Variants in PPP2R2B observed in about 807,000 individuals in gnomAD.
PPP2R2B encodes serine/threonine-protein phosphatase 2A 55 kDa regulatory subunit B beta isoform.
A neutral mutation model predicts 46.0 loss-of-function variants in PPP2R2B; 5 were observed. The ratio of observed to expected loss-of-function variants is 0.11; its 90% confidence interval spans 0.06 to 0.23. The LOEUF (loss-of-function observed/expected upper bound fraction) is 0.23. PPP2R2B is among the 10% of genes least tolerant of loss of function. PPP2R2B has a pLI of 1.00. For synonymous variants in PPP2R2B, 215 were observed against 206.7 expected (o/e 1.04, Z -0.34); for missense variants, 367 against 575.0 (o/e 0.64, Z 3.70).
chr5:146,878,272 T>C lies in PPP2R2B; in HGVS notation c.-124-77A>G. 7.5e-6 allele frequency: 11 copies of C among 1,470,076 alleles called. No homozygotes were observed. The highest frequency in any genetic ancestry group is 9.0e-6 in the Non-Finnish European group (10 of 1,114,896). 91.1% of individuals were successfully genotyped at this position (1,470,076 alleles called of 1,614,324 possible). A position where few individuals can be genotyped will look rare whatever the true frequency, so the allele number is the denominator to read the frequency against. On this transcript the variant is annotated intron_variant, in intron 1 of 9. Transcript: ENST00000394411. The surrounding 1 kb of genome is among the most constrained non-coding windows in gnomAD (Gnocchi z 4.5). ...GAGCTGTCACCTCCTCCACTCGGGT[T>C]CTGCGAGGCTGCGGCGGCTCCTCCC...
intron 6 of PPP2R2B, among the ~76,000 whole-genome samples, chr5:146,645,631 T>C (rs1379714698): frequency 1.3e-5 from 2 of 152,136 alleles, no homozygotes; most frequent in Non-Finnish European, 2.9e-5. Context: ...TGAGGCTACC[T>C]GGTCCCTTAA....
intron 5 of PPP2R2B, among the ~76,000 whole-genome samples, chr5:146,654,005 G>A (rs922945142): frequency 4.6e-5 from 7 of 152,278 alleles, no homozygotes; most frequent in Admixed American, 1.3e-4. Context: ...ACCACATTGC[G>A]ACTGTGTTTT....
At chr5:146,845,772 C>T (rs1561954001) in intron 2 of PPP2R2B, among the ~76,000 whole-genome samples, 2 of 152,128 alleles carry the variant, frequency 1.3e-5, no homozygotes. Flanking sequence ...AATTCTGTTT[C>T]CCATGTGCAT....
chr5:146,793,313 C>T (rs1192156374), intron 2 of PPP2R2B, among the ~76,000 whole-genome samples: 1 of 151,956 alleles, frequency 6.6e-6, no homozygotes, highest in Non-Finnish European at 1.5e-5. Context: ...TATTAGACAT[C>T]CAAATAGAAA....
chr5:146,599,061 A>C (rs1481820654), intron 8 of PPP2R2B, among the ~76,000 whole-genome samples: 1 of 152,142 alleles, frequency 6.6e-6, no homozygotes, highest in Non-Finnish European at 1.5e-5. Context: ...AAATAGCTTA[A>C]AATAGGGTTA....
In PPP2R2B at chr5:146,975,741, T is replaced by C. The variant is rs537538077; in HGVS notation, c.79+79924A>G. Among the ~76,000 whole-genome samples, 17 of 152,338 alleles carry C rather than the reference T, an allele frequency of 1.1e-4. No homozygotes were observed. The East Asian group carries it at 3.3e-3, about 29-fold the overall frequency. On this transcript the variant is annotated intron_variant, in intron 1 of 8. Coordinates refer to the PPP2R2B transcript ENST00000336640. ...TGCATCTCCCTGATCATTAGTGATG[T>C]TGAACCTCTTTTCCTATGCTTGTTG... is the stretch of plus-strand genomic sequence containing the variant.
chr5:146,643,367 A>G (rs1775355782), intron 6 of PPP2R2B, among the ~76,000 whole-genome samples: 1 of 152,202 alleles, frequency 6.6e-6, no homozygotes, highest in African/African-American at 2.4e-5. Context: ...ATATTCTAGT[A>G]GGGAACAGTC....
At chr5:146,790,238 A>G (rs1469393852) in intron 2 of PPP2R2B, among the ~76,000 whole-genome samples, 1 of 152,168 alleles carries the variant, frequency 6.6e-6, no homozygotes, top group Admixed American at 6.5e-5. Flanking sequence ...TGAAAATGCC[A>G]ATTACCCTCA....
At chr5:147,055,069 G>A (rs1054303484) in intron 1 of PPP2R2B, among the ~76,000 whole-genome samples, 1 of 152,130 alleles carries the variant, frequency 6.6e-6, no homozygotes, top group Non-Finnish European at 1.5e-5. Context: ...GGTGTAGAAG[G>A]CTCAGCCTAC....
At chr5:146,874,780 T>G (rs1422120126) in intron 2 of PPP2R2B, among the ~76,000 whole-genome samples, 1 of 152,084 alleles carries the variant, frequency 6.6e-6, no homozygotes, top group South Asian at 2.1e-4. Flanking sequence ...ATAGAGAGAT[T>G]TGAGAGATGA....
At chr5:146,812,930 G>A (rs764612129) in intron 2 of PPP2R2B, among the ~76,000 whole-genome samples, 4 of 144,996 alleles carry the variant, frequency 2.8e-5, no homozygotes, top group Non-Finnish European at 6.0e-5. Context: ...GTTATATCCC[G>A]CTGGGTCCCT....
At chr5:146,722,969 T>G (rs1751621455) in intron 2 of PPP2R2B, among the ~76,000 whole-genome samples, 1 of 152,226 alleles carries the variant, frequency 6.6e-6, no homozygotes, top group Admixed American at 6.5e-5. Context: ...TTTCTCTGCC[T>G]GGAACCTGGC....
At chr5:146,593,789 G>A (rs1770900844) in intron 8 of PPP2R2B, among the ~76,000 whole-genome samples, 1 of 152,184 alleles carries the variant, frequency 6.6e-6, no homozygotes, top group African/African-American at 2.4e-5. Context: ...GCAGCTGGGG[G>A]AGAGGATGAT....
chr5:146,868,306 G>T (rs1761426153), intron 2 of PPP2R2B, among the ~76,000 whole-genome samples: 1 of 152,210 alleles, frequency 6.6e-6, no homozygotes, highest in South Asian at 2.1e-4. Context: ...CTGCCTCTTG[G>T]CTGCACCAGA....
At chr5:146,629,967 C>G (rs539265907) in intron 7 of PPP2R2B, among the ~76,000 whole-genome samples, 1 of 152,136 alleles carries the variant, frequency 6.6e-6, no homozygotes, top group African/African-American at 2.4e-5. Flanking sequence ...GTGTGTGCAA[C>G]CACACCCAGA....
chr5:146,955,043 A>G (rs1751821941), intron 1 of PPP2R2B, among the ~76,000 whole-genome samples: 1 of 152,100 alleles, frequency 6.6e-6, no homozygotes, highest in East Asian at 1.9e-4. Context: ...TCTTTCATAG[A>G]TGAGATAATA....
At chr5:146,592,920 C>A (rs1049340732) in intron 9 of PPP2R2B, 51 bp downstream of exon 9, 2 of 1,529,382 alleles carry the variant, frequency 1.3e-6, no homozygotes, top group East Asian at 4.5e-5. Flanking sequence ...ATTCCCTGAG[C>A]CTCTTCAAGA....
intron 1 of PPP2R2B, among the ~76,000 whole-genome samples, chr5:147,009,298 C>T (rs773290491): frequency 6.6e-6 from 1 of 152,090 alleles, no homozygotes; most frequent in Non-Finnish European, 1.5e-5. Context: ...TTCCTGGCTT[C>T]ACATTATTTT....
rs575492525 is a variant in PPP2R2B at position 147,007,667 on chromosome 5, T to C, written c.79+47998A>G. The stretch of plus-strand genomic sequence containing the variant: ...TACCTTTATGAGCTGTAACACTCAC[T>C]GCGAAGGTCTGTGGCTTCACTCCTG... On this transcript the variant is annotated intron_variant, in intron 1 of 8. Transcript: ENST00000336640. Among the ~76,000 whole-genome samples, 6 of 152,308 alleles carry C rather than the reference T, an allele frequency of 3.9e-5. No homozygotes were observed. The South Asian group carries it at 1.0e-3, about 26-fold the overall frequency.
Sources: gnomAD v4.1 joint callset for allele counts (sites outside exome capture counted in the v4.1 genomes callset) on GRCh38, gnomAD v4.1.1 for gene constraint, Gnocchi (gnomAD v3.1) non-coding constraint, MANE v1.5 for transcripts, NCBI Gene and HGNC (gene_info 2026-07-23, HGNC 2026-07-21) for gene names.